Variants in TERB1 observed in about 807,000 individuals in gnomAD.
The protein encoded by TERB1 is telomere repeat binding bouquet formation protein 1.
In TERB1, 63 loss-of-function variants were observed where a neutral mutation model predicts 92.3. That is an observed-to-expected ratio of 0.68 (90% CI 0.56 to 0.84). The LOEUF (loss-of-function observed/expected upper bound fraction) is 0.84. TERB1 is among the 40% of genes least tolerant of loss of function. The probability of loss-of-function intolerance (pLI) is 0.00; values close to 1 mark genes in which losing one functional copy is unlikely to be tolerated. For synonymous variants in TERB1, 252 were observed against 283.9 expected, an observed-to-expected ratio of 0.89 and a Z score of 1.13; for missense variants, 709 against 843.7, an observed-to-expected ratio of 0.84 and a Z score of 1.98.
chr16:66,759,204 C>T lies in TERB1; in HGVS notation c.1867G>A (p.Val623Ile), dbSNP rs1170105801. ...TATCTGTCTTCAGCTTCCACAATGA[C>T]TTTGTGACGATCACATTGGTATGGG... ...SCPYQCDRHK[V>I]IVEAEDRYKS... Residue 623 changes from valine to isoleucine, a missense_variant, in exon 17 of 19, where the codon GTC becomes ATC. Coordinates refer to ENST00000433154, the MANE Select transcript of TERB1 (RefSeq NM_001136505.2). The T allele has an allele frequency of 1.3e-6, 2 of 1,550,952 alleles. No individual in the cohort carries two copies. The highest frequency in any genetic ancestry group is 1.7e-6 in the Non-Finnish European group (2 of 1,146,806).
intron 14 of TERB1, among the ~76,000 whole-genome samples, chr16:66,769,452 G>T (rs150860771): frequency 3.9e-4 from 59 of 152,240 alleles, no homozygotes; most frequent in Admixed American, 1.0e-3. Context: ...ACAATCCCAG[G>T]TCTAGCCCCA....
At chr16:66,770,449 T>C in intron 13 of TERB1, 140 bp from the exon 14 acceptor site, 1 of 623,322 alleles carries the variant, frequency 1.6e-6, no homozygotes, top group Non-Finnish European at 2.7e-6. Flanking sequence ...CAGTTTACAT[T>C]AGGAAGAAAA....
intron 2 of TERB1, among the ~76,000 whole-genome samples, chr16:66,797,638 C>CACACAT (rs1959204872): frequency 6.6e-6 from 1 of 151,002 alleles, no homozygotes; most frequent in Non-Finnish European, 1.5e-5. Flanking sequence ...CACACACACA[C>CACACAT]ACACACACAC....
At chr16:66,785,459 T>C (rs1397439738) in intron 9 of TERB1, among the ~76,000 whole-genome samples, 2 of 152,194 alleles carry the variant, frequency 1.3e-5, no homozygotes, top group Non-Finnish European at 2.9e-5. Context: ...ATTTGGGGCT[T>C]TTCTAGATGT....
At chr16:66,770,710 T>A (rs759284959) in intron 13 of TERB1, among the ~76,000 whole-genome samples, 21 of 151,896 alleles carry the variant, frequency 1.4e-4, no homozygotes, top group Non-Finnish European at 2.2e-4. Context: ...ATAAAAAAAA[T>A]TTTTTTTAAT....
intron 16 of TERB1, among the ~76,000 whole-genome samples, chr16:66,765,886 A>T: frequency 1.1e-5 from 1 of 88,928 alleles, no homozygotes. Context: ...TTTTTTTGAG[A>T]CGGAGTCTCG....
intron 16 of TERB1, among the ~76,000 whole-genome samples, chr16:66,765,141 C>T (rs2018317046): frequency 6.6e-6 from 1 of 152,144 alleles, no homozygotes; most frequent in Non-Finnish European, 1.5e-5. Context: ...AAGGACTAAG[C>T]ACTCCATAAT....
In TERB1 at chr16:66,778,883, T is replaced by C; in HGVS notation, c.833A>G (p.Asp278Gly). ...KLAVVVTKTV[D>G]ACIADNPTFG... Reference sequence around the variant, plus strand: ...CTCACGATTATCAGCAATGCATGCATCCACAGTCTTCGTCACAACCACTGC... The same window carrying C: ...CTCACGATTATCAGCAATGCATGCACCCACAGTCTTCGTCACAACCACTGC... Residue 278 changes from aspartate (D) to glycine (G), a missense_variant, in exon 10 of 19, where the codon GAT becomes GGT. Asp to Gly is a moderately conservative substitution (Grantham distance 94, BLOSUM62 -1). Transcript: ENST00000433154. 6.6e-7 allele frequency: 1 copy of C among 1,512,806 alleles called. No individual in the cohort carries two copies. Among genetic ancestry groups the C allele is most frequent in the African/African-American group, 1.4e-5 (1 of 72,284 alleles). The allele number at this position is 1,512,806 out of a possible 1,614,324, so 93.7% of individuals were successfully genotyped here.
rs759286943 is a variant in TERB1, at chr16:66,790,948, C to T, written c.103G>A (p.Glu35Lys). 19 of 1,549,242 alleles carry T rather than the reference C, an allele frequency of 1.2e-5. No homozygotes were observed. The Middle Eastern group carries it at 8.3e-4, about 68-fold the overall frequency. Residue 35 changes from glutamate to lysine, a missense_variant, in exon 4 of 19, where the codon GAA becomes AAA. Physicochemically the swap from Glu to Lys is moderately conservative, Grantham distance 56. Transcript: ENST00000433154. Reference sequence around the variant, plus strand: ...ATTGAATGAATAGTGACCAAAGCTTCCTTTTGTGAAAAAGCATTGTCCATT... The same window carrying T: ...ATTGAATGAATAGTGACCAAAGCTTTCTTTTGTGAAAAAGCATTGTCCATT... ...YQMDNAFSQKEALVTIHSICQ... is the reference protein window; with the variant it reads ...YQMDNAFSQKKALVTIHSICQ...
Position 66,777,352 on chromosome 16 carries a change from G to GA in TERB1, c.854-19dup. The stretch of plus-strand genomic sequence containing the variant: ...AAAAGTAGCTATTAGTATAAAATAG[G>GA]AAAAAAAGATAGTACAAATTTAAAA... On this transcript the variant is annotated intron_variant, in intron 10 of 18. Coordinates refer to ENST00000433154, the MANE Select transcript of TERB1 (RefSeq NM_001136505.2). 1 of 1,480,616 alleles carries GA rather than the reference G, an allele frequency of 6.8e-7. No homozygotes were observed. The highest frequency in any genetic ancestry group is 9.1e-7 in the Non-Finnish European group (1 of 1,096,344). The allele number at this position is 1,480,616 out of a possible 1,614,324, so 91.7% of individuals were successfully genotyped here.
intron 16 of TERB1, among the ~76,000 whole-genome samples, chr16:66,760,280 G>A (rs2018214376): frequency 1.4e-5 from 2 of 142,710 alleles, no homozygotes; most frequent in Admixed American, 7.1e-5. Context: ...CCAATATGGC[G>A]AAACCCCATC....
intron 16 of TERB1, among the ~76,000 whole-genome samples, chr16:66,760,612 C>T (rs1222773475): frequency 1.5e-5 from 2 of 134,560 alleles, no homozygotes; most frequent in African/African-American, 2.9e-5. Context: ...ATGGTGAAAC[C>T]CCATCTCTAC....
chr16:66,759,208 G>T lies in TERB1; in HGVS notation c.1863C>A (p.His621Gln), dbSNP rs1376123957. ...TGTCTTCAGCTTCCACAATGACTTT[G>T]TGACGATCACATTGGTATGGGCAAG... ...LHSCPYQCDRHKVIVEAEDRY... is the reference protein window; with the variant it reads ...LHSCPYQCDRQKVIVEAEDRY... Residue 621 changes from histidine to glutamine, a missense_variant, in exon 17 of 19, where the codon CAC becomes CAA. Transcript: ENST00000433154. The T allele has an allele frequency of 6.4e-7, 1 of 1,550,890 alleles. No individual in the cohort carries two copies. The highest frequency in any genetic ancestry group is 2.0e-5 in the Admixed American group (1 of 50,828).
intron 16 of TERB1, among the ~76,000 whole-genome samples, chr16:66,761,464 A>AAAAG (rs2018248307): frequency 4.0e-5 from 6 of 150,010 alleles, no homozygotes; most frequent in African/African-American, 1.2e-4. Context: ...AAAAAAAAAA[A>AAAAG]AAAAGAAAGA....
Position 66,767,154 on chromosome 16 carries a change from C to T in TERB1, c.1780+261G>A, listed in dbSNP as rs1453510976. ...GATCAGTTTGGCCAACATGGTAAAA[C>T]CTGCTCTACGAAAAAATACAAAAAA... On this transcript the variant is annotated intron_variant, in intron 16 of 18. Coordinates refer to ENST00000433154, the MANE Select transcript of TERB1 (RefSeq NM_001136505.2). 2.7e-5 allele frequency among the ~76,000 whole-genome samples: 4 copies of T among 150,844 alleles called. No homozygotes were observed. In the East Asian group the frequency reaches 7.7e-4, roughly 29 times the overall value.
At chr16:66,799,306 T>C (rs4783739) in intron 2 of TERB1, among the ~76,000 whole-genome samples, 76,952 of 151,930 alleles carry the variant, frequency 0.51, 20,363 homozygotes, top group African/African-American at 0.64. Context: ...CAGCTCACTG[T>C]AACCTCCACC....
chr16:66,794,914 A>ACACACACAC (rs1316374992), intron 3 of TERB1, among the ~76,000 whole-genome samples: 6,327 of 82,574 alleles, frequency 0.077, 200 homozygotes, highest in South Asian at 0.11. Context: ...CGTCTCAAAA[A>ACACACACAC]AAAAAAAAAC....
chr16:66,760,782 T>A, intron 16 of TERB1, among the ~76,000 whole-genome samples: 1 of 31,114 alleles, frequency 3.2e-5, no homozygotes, highest in Non-Finnish European at 5.0e-5. Flanking sequence ...AGACTCCATC[T>A]CAAAAAAAAA....
intron 15 of TERB1, 50 bp from the exon 16 acceptor site, chr16:66,767,560 G>A: frequency 1.2e-6 from 1 of 827,700 alleles, no homozygotes; most frequent in South Asian, 1.7e-5. Context: ...AAAAGAATCA[G>A]ATATTTTCAG....
Sources: allele counts gnomAD v4.1 joint callset (sites outside exome capture counted in the v4.1 genomes callset), GRCh38; gene constraint gnomAD v4.1.1; transcripts MANE v1.5; gene names NCBI Gene and HGNC (gene_info 2026-07-23, HGNC 2026-07-21).